Variants in LPCAT2 observed in about 807,000 individuals in gnomAD.
LPCAT2 encodes 1-AGP acyltransferase 11.
Under a neutral mutation model 64.7 loss-of-function variants are expected in LPCAT2, and 58 were observed. The ratio of observed to expected loss-of-function variants is 0.90; its 90% CI spans 0.73 to 1.12. LPCAT2 has a LOEUF of 1.12. Ranked by LOEUF, LPCAT2 falls within the 50% of genes most tolerant of loss-of-function variation. The pLI is 0.00. For missense variants in LPCAT2, 579 were observed against 669.8 expected (o/e 0.86, Z 1.50); for synonymous variants, 252 against 245.3 (o/e 1.03, Z -0.26).
chr16:55,551,659 G>A (rs1351166890), intron 11 of LPCAT2, among the ~76,000 whole-genome samples: 2 of 152,188 alleles, frequency 1.3e-5, no homozygotes, highest in African/African-American at 4.8e-5. Context: ...TAGGGATACA[G>A]TTTGCTGCTT....
Position 55,537,576 on chromosome 16 carries a change from A to G in LPCAT2, c.798-2A>G. On this transcript the variant is annotated splice_acceptor_variant, in intron 7 of 13. Coordinates refer to ENST00000262134, the MANE Select transcript of LPCAT2 (RefSeq NM_017839.5). LOFTEE classifies it high-confidence loss of function. The stretch of plus-strand genomic sequence containing the variant: ...AGATAGACTTTTCTTTTTTCTCTTC[A>G]GCATTCAGCTTTGTATGCTTACTTT... 6.2e-7 allele frequency: 1 copy of G among 1,611,710 alleles called. No homozygotes were observed. The highest frequency in any genetic ancestry group is 8.5e-7 in the Non-Finnish European group (1 of 1,178,832).
intron 8 of LPCAT2, chr16:55,540,183 T>C (rs1442520554): frequency 6.6e-6 from 1 of 152,200 alleles, no homozygotes; most frequent in South Asian, 2.1e-4. Context: ...ACATACAGTA[T>C]TTTTGAAAAG....
At chr16:55,528,960 A>G (rs951465892) in intron 3 of LPCAT2, among the ~76,000 whole-genome samples, 1 of 152,198 alleles carries the variant, frequency 6.6e-6, no homozygotes, top group East Asian at 1.9e-4. Context: ...TGATGAATTT[A>G]TCTTCAGGAT....
At chr16:55,554,760 C>T (rs1469828190) in intron 11 of LPCAT2, among the ~76,000 whole-genome samples, 1 of 152,114 alleles carries the variant, frequency 6.6e-6, no homozygotes, top group African/African-American at 2.4e-5. Context: ...TCATTTCTAG[C>T]TTTTGATGTG....
chr16:55,513,323 T>A (rs1595304), intron 1 of LPCAT2, among the ~76,000 whole-genome samples: 16 of 151,870 alleles, frequency 1.1e-4, no homozygotes, highest in African/African-American at 3.4e-4. Flanking sequence ...CTGTTATATC[T>A]GAAATGAAAA....
At chr16:55,580,470 TA>T (rs1256882240) in intron 13 of LPCAT2, among the ~76,000 whole-genome samples, 1 of 152,202 alleles carries the variant, frequency 6.6e-6, no homozygotes, top group Non-Finnish European at 1.5e-5. Context: ...TTGATTTAAG[TA>T]ATTTTTCAGG....
chr16:55,555,865 A>G (rs1315445867), intron 11 of LPCAT2, among the ~76,000 whole-genome samples: 1 of 152,218 alleles, frequency 6.6e-6, no homozygotes, highest in East Asian at 1.9e-4. Flanking sequence ...CCCAGGCTGT[A>G]GTGCAGTGGC....
intron 12 of LPCAT2, among the ~76,000 whole-genome samples, chr16:55,577,860 C>G (rs1963845208): frequency 1.3e-5 from 2 of 152,044 alleles, no homozygotes; most frequent in South Asian, 4.1e-4. Context: ...ATATTTCTTG[C>G]CTCTGCTTTT....
At chr16:55,530,196 G>T (rs1328801964) in intron 4 of LPCAT2, among the ~76,000 whole-genome samples, 1 of 151,916 alleles carries the variant, frequency 6.6e-6, no homozygotes, top group Non-Finnish European at 1.5e-5. Context: ...TTCTCTTTGT[G>T]TTACAAAAAT....
chr16:55,574,303 C>G (rs1234912063), intron 11 of LPCAT2, among the ~76,000 whole-genome samples: 1 of 152,150 alleles, frequency 6.6e-6, no homozygotes, highest in African/African-American at 2.4e-5. Flanking sequence ...TTCACTTCCA[C>G]AAAGGATGAA....
intron 7 of LPCAT2, among the ~76,000 whole-genome samples, chr16:55,535,891 G>A (rs1374401079): frequency 2.6e-5 from 4 of 152,142 alleles, no homozygotes; most frequent in Non-Finnish European, 1.5e-5. Flanking sequence ...ACTGGGGATA[G>A]AAAATATAAT....
chr16:55,534,162 G>T (rs1963293703), intron 6 of LPCAT2, among the ~76,000 whole-genome samples: 1 of 151,926 alleles, frequency 6.6e-6, no homozygotes, highest in South Asian at 2.1e-4. Context: ...GTTCATATTA[G>T]GAGAAAAGTG....
At chr16:55,521,378 T>G (rs1963093553) in intron 1 of LPCAT2, among the ~76,000 whole-genome samples, 1 of 151,838 alleles carries the variant, frequency 6.6e-6, no homozygotes. Flanking sequence ...AAGATTATTT[T>G]ACTAGTAAAT....
At chr16:55,514,890 T>TTTTGTG (rs1962986814) in intron 1 of LPCAT2, among the ~76,000 whole-genome samples, 2 of 141,236 alleles carry the variant, frequency 1.4e-5, no homozygotes, top group Non-Finnish European at 3.1e-5. Flanking sequence ...ATGCAATGCA[T>TTTTGTG]TGTGTGTGTG....
chr16:55,544,981 T>C (rs1963437493), intron 8 of LPCAT2, among the ~76,000 whole-genome samples: 2 of 152,188 alleles, frequency 1.3e-5, no homozygotes, highest in Admixed American at 1.3e-4. Flanking sequence ...ATTAAAATAT[T>C]GATCTTCTTT....
intron 3 of LPCAT2, among the ~76,000 whole-genome samples, chr16:55,529,539 G>A (rs1963221888): frequency 1.3e-5 from 2 of 152,080 alleles, no homozygotes; most frequent in Admixed American, 1.3e-4. Flanking sequence ...CAATAATCTT[G>A]TAGCATATCC....
At position 55,528,365 on chromosome 16, in the gene LPCAT2, A is replaced by G. The variant is rs1354352985; in HGVS notation, c.312-12A>G. ...TAACAGAGCTAATTACATCTTTTCT[A>G]TATTTTCAAAGGAAAATTACTCAAA... On this transcript the variant is annotated splice_polypyrimidine_tract_variant and intron_variant, in intron 2 of 13. Transcript: ENST00000262134. 6.9e-6 allele frequency: 11 copies of G among 1,604,588 alleles called. No homozygotes were observed. Among genetic ancestry groups the G allele is most frequent in the Non-Finnish European group, 8.5e-6 (10 of 1,172,168 alleles).
At chr16:55,544,355 A>G (rs1165711658) in intron 8 of LPCAT2, among the ~76,000 whole-genome samples, 7 of 152,214 alleles carry the variant, frequency 4.6e-5, no homozygotes, top group African/African-American at 1.7e-4. Context: ...CTAATATAAA[A>G]TACCCAGCAC....
chr16:55,518,431 T>G (rs1963044482), intron 1 of LPCAT2, among the ~76,000 whole-genome samples: 1 of 152,162 alleles, frequency 6.6e-6, no homozygotes, highest in South Asian at 2.1e-4. Context: ...TGAGCTAATT[T>G]TAAAATTCAT....
Sources: gnomAD v4.1 joint callset for allele counts (sites outside exome capture counted in the v4.1 genomes callset) on GRCh38, gnomAD v4.1.1 for gene constraint, MANE v1.5 for transcripts, NCBI Gene and HGNC (gene_info 2026-07-23, HGNC 2026-07-21) for gene names.